Variants in DRC7 observed in about 807,000 individuals in gnomAD.
The protein encoded by DRC7 is coiled-coil domain containing 135.
In DRC7, 80 loss-of-function variants were observed where a neutral mutation model predicts 104.4. The observed-to-expected ratio is 0.77, with a 90% CI of 0.64 to 0.92. DRC7 has a LOEUF of 0.92. DRC7 is among the 40% of genes least tolerant of loss of function. DRC7 has a pLI of 0.00. For missense variants in DRC7, 1,034 were observed against 1,141.1 expected (o/e 0.91, Z 1.35); for synonymous variants, 405 against 447.3 (o/e 0.91, Z 1.19).
chr16:57,704,941 C>T lies in DRC7; in HGVS notation c.765C>T (p.Cys255=). The stretch of plus-strand genomic sequence containing the variant: ...CCATCAAACCCCCCAGGGACCTGTG[C>T]AGCAGGTTTGAGCAGGAGCAAGAGG... ...KYTIKPPRDL[C]SRFEQEQEVK... The change falls in exon 7 of 19, where the codon TGC becomes TGT. Residue 255 remains cysteine (C), a synonymous_variant. Transcript: ENST00000360716. 1 of 1,613,848 alleles carries T rather than the reference C, an allele frequency of 6.2e-7. No homozygotes were observed. The highest frequency in any genetic ancestry group is 8.5e-7 in the Non-Finnish European group (1 of 1,179,934).
chr16:57,723,460 CAG>C (rs1234644375), intron 12 of DRC7, among the ~76,000 whole-genome samples: 2 of 152,212 alleles, frequency 1.3e-5, no homozygotes, highest in African/African-American at 4.8e-5. Flanking sequence ...GTGCCGGACA[CAG>C]GGGCTCACAC....
chr16:57,716,684 A>G (rs1237796521), intron 8 of DRC7, among the ~76,000 whole-genome samples: 1 of 151,968 alleles, frequency 6.6e-6, no homozygotes, highest in Admixed American at 6.6e-5. Context: ...AGAAATACTC[A>G]GGAGCCCTCC....
At chr16:57,717,426 C>T (rs1194273651) in intron 8 of DRC7, among the ~76,000 whole-genome samples, 5 of 149,980 alleles carry the variant, frequency 3.3e-5, no homozygotes, top group South Asian at 4.2e-4. Flanking sequence ...AGGCCAGGCA[C>T]GGTGCCTCAT....
chr16:57,694,993 T>C (rs2048577941), intron 1 of DRC7, 141 bp downstream of exon 1: 1 of 152,234 alleles, frequency 6.6e-6, no homozygotes, highest in Admixed American at 6.6e-5. Context: ...TGCGTGTTTA[T>C]GTGTGTTGGG....
intron 6 of DRC7, among the ~76,000 whole-genome samples, chr16:57,703,200 CAAAAAAAAAAAAAA>C (rs71152293): frequency 6.4e-5 from 4 of 62,926 alleles, no homozygotes; most frequent in East Asian, 9.7e-4. Context: ...TTTTTAATAG[CAAAAAAAAAAAAAA>C]AAAAAAAAAA....
At chr16:57,718,243 GTCCCT>G in intron 8 of DRC7, 99 bp from the exon 9 acceptor site, 1 of 1,455,802 alleles carries the variant, frequency 6.9e-7, no homozygotes, top group Non-Finnish European at 9.3e-7. Flanking sequence ...CTGGGCCCAG[GTCCCT>G]TCTCTGCCCC....
chr16:57,722,284 G>A (rs1442760405), intron 10 of DRC7, among the ~76,000 whole-genome samples: 1 of 152,222 alleles, frequency 6.6e-6, no homozygotes, highest in African/African-American at 2.4e-5. Context: ...GCCCAGCACT[G>A]GGGCTAGGGC....
rs751832392 is a variant in DRC7, at chr16:57,707,562, G to C, written c.961G>C (p.Asp321His). ...KREVPENFFI[D>H]PFTGHSYSTQ... ...CGAGGTGCCTGAGAACTTCTTCATCGACCCATTCACAGGACATAGCTACAG... is the reference window on the plus strand; with the variant it reads ...CGAGGTGCCTGAGAACTTCTTCATCCACCCATTCACAGGACATAGCTACAG... Residue 321 changes from aspartate (D) to histidine (H), a missense_variant, in exon 8 of 19, where the codon GAC (aspartate) becomes CAC (histidine). Transcript: ENST00000360716. 2 of 1,613,518 alleles carry C rather than the reference G, an allele frequency of 1.2e-6. No individual in the cohort carries two copies. Among genetic ancestry groups the C allele is most frequent in the Admixed American group, 1.7e-5 (1 of 60,010 alleles).
chr16:57,717,727 G>C (rs981472438), intron 8 of DRC7, among the ~76,000 whole-genome samples: 1 of 152,034 alleles, frequency 6.6e-6, no homozygotes, highest in African/African-American at 2.4e-5. Context: ...AAATTGTGGA[G>C]ATGGGATCTC....
intron 4 of DRC7, among the ~76,000 whole-genome samples, chr16:57,699,407 G>T (rs1355592845): frequency 3.3e-5 from 5 of 152,180 alleles, no homozygotes; most frequent in African/African-American, 1.2e-4. Context: ...AATAAAGCGG[G>T]TCTGTGGGTC....
At chr16:57,712,607 C>A (rs2048800697) in intron 8 of DRC7, among the ~76,000 whole-genome samples, 1 of 151,950 alleles carries the variant, frequency 6.6e-6, no homozygotes, top group East Asian at 1.9e-4. Context: ...CTTTGAGCTT[C>A]ATTTACTTTT....
chr16:57,730,800 T>G (rs1179861899), intron 17 of DRC7, 131 bp from the exon 18 acceptor site: 276 of 904,130 alleles, frequency 3.1e-4, no homozygotes, highest in East Asian at 7.0e-4. Context: ...TATGGATAGG[T>G]GGCTTGTGTG....
chr16:57,707,339 T>C (rs1425548604), intron 7 of DRC7, 121 bp from the exon 8 acceptor site: 9 of 814,878 alleles, frequency 1.1e-5, no homozygotes, highest in Non-Finnish European at 1.3e-5. Context: ...CTCCGGTTGA[T>C]GGTGCAGTCT....
At chr16:57,695,331 T>C (rs2048582701) in intron 1 of DRC7, among the ~76,000 whole-genome samples, 1 of 139,086 alleles carries the variant, frequency 7.2e-6, no homozygotes, top group African/African-American at 2.7e-5. Context: ...GGGGTTCAAA[T>C]CCCAGACCTG....
intron 17 of DRC7, among the ~76,000 whole-genome samples, chr16:57,729,733 G>A (rs2049030473): frequency 7.6e-6 from 1 of 130,838 alleles, no homozygotes; most frequent in Non-Finnish European, 1.6e-5. Flanking sequence ...TGAGTGGGTG[G>A]GTGGATGAGT....
intron 7 of DRC7, among the ~76,000 whole-genome samples, chr16:57,705,661 A>G (rs2048708553): frequency 1.6e-5 from 2 of 122,858 alleles, no homozygotes; most frequent in Non-Finnish European, 3.4e-5. Flanking sequence ...CCTCCCATCC[A>G]TCCATCTTCC....
intron 6 of DRC7, among the ~76,000 whole-genome samples, chr16:57,703,610 T>C (rs1344715882): frequency 6.6e-6 from 1 of 152,146 alleles, no homozygotes; most frequent in Non-Finnish European, 1.5e-5. Flanking sequence ...CCTTGCTCTC[T>C]CAGGCCCACC....
chr16:57,728,804 A>G (rs2049005682), intron 17 of DRC7, among the ~76,000 whole-genome samples: 1 of 16,920 alleles, frequency 5.9e-5, no homozygotes, highest in African/African-American at 2.3e-4. Flanking sequence ...AGGTATGGAT[A>G]GGTGGGTGGG....
At chr16:57,726,024 C>T (rs746024830) in intron 13 of DRC7, 44 bp from the exon 14 acceptor site, 1 of 1,538,082 alleles carries the variant, frequency 6.5e-7, no homozygotes, top group South Asian at 1.2e-5. Flanking sequence ...TCTCCTCTCA[C>T]ACGCTCATCC....
Sources: allele counts gnomAD v4.1 joint callset (sites outside exome capture counted in the v4.1 genomes callset), GRCh38; gene constraint gnomAD v4.1.1; transcripts MANE v1.5; gene names NCBI Gene and HGNC (gene_info 2026-07-23, HGNC 2026-07-21).